Variants in GOSR1 observed in about 807,000 individuals in gnomAD.
The protein encoded by GOSR1 is 28 kDa Golgi SNARE protein.
In GOSR1, 21 loss-of-function variants were observed where a neutral mutation model predicts 35.5. The observed-to-expected ratio is 0.59, with a 90% confidence interval of 0.42 to 0.85. GOSR1 has a LOEUF of 0.85. Ranked by LOEUF, GOSR1 falls within the 40% of genes least tolerant of loss-of-function variation. GOSR1 has a pLI of 0.00. For synonymous variants in GOSR1, 94 were observed against 106.6 expected (o/e 0.88, Z 0.73); for missense variants, 285 against 309.6 (o/e 0.92, Z 0.60).
intron 2 of GOSR1, among the ~76,000 whole-genome samples, chr17:30,483,554 C>T (rs928865233): frequency 1.6e-4 from 25 of 152,188 alleles, no homozygotes; most frequent in African/African-American, 6.0e-4. Flanking sequence ...TTGCCACACC[C>T]AGGCACTGTC....
At chr17:30,493,622 C>T (rs550116764) in intron 6 of GOSR1, among the ~76,000 whole-genome samples, 276 of 152,188 alleles carry the variant, frequency 1.8e-3, no homozygotes, top group Middle Eastern at 0.01. Context: ...TTTGAAATAA[C>T]TTTAAATAAC....
At chr17:30,478,910 T>C (rs1418049072) in intron 1 of GOSR1, 1 of 152,224 alleles carries the variant, frequency 6.6e-6, no homozygotes, top group African/African-American at 2.4e-5. Context: ...TTATTACTAG[T>C]CATTAGCCTG....
chr17:30,494,841 C>G (rs1966934887), intron 6 of GOSR1, among the ~76,000 whole-genome samples: 1 of 151,534 alleles, frequency 6.6e-6, no homozygotes, highest in Non-Finnish European at 1.5e-5. Flanking sequence ...CTCCTAACTT[C>G]AAGAGATCCA....
chr17:30,523,424 G>A lies in GOSR1; in HGVS notation c.*1046G>A, dbSNP rs1160425507. ...GTGAGGAGACCTCCGCCCGGCAGCC[G>A]CCCTGTCTGAGAAGTGAGGAGCCCC... On this transcript the variant is annotated 3_prime_UTR_variant, in exon 9 of 9. Transcript: ENST00000451249. 1.8e-5 allele frequency: 3 copies of A among 163,448 alleles called. No homozygotes were observed. Among genetic ancestry groups the A allele is most frequent in the East Asian group, 1.9e-4 (1 of 5,402 alleles). The allele number at this position is 163,448 out of a possible 1,614,324, so 10.1% of individuals were successfully genotyped here.
chr17:30,506,805 C>T (rs1020233018), intron 6 of GOSR1, among the ~76,000 whole-genome samples: 2 of 152,214 alleles, frequency 1.3e-5, no homozygotes, highest in African/African-American at 4.8e-5. Context: ...TTTTTAGGTG[C>T]TGATACAGCT....
Position 30,525,936 on chromosome 17 carries a change from T to G in GOSR1, c.*3558T>G, listed in dbSNP as rs907269629. The G allele has an allele frequency of 6.6e-6, 1 of 152,228 alleles. No individual in the cohort carries two copies. Among genetic ancestry groups the G allele is most frequent in the Non-Finnish European group, 1.5e-5 (1 of 68,044 alleles). The allele number at this position is 152,228 out of a possible 1,614,324, so 9.4% of individuals were successfully genotyped here. ...TACTAAGGTGACCCAGGGCCACATG[T>G]AGACAGCTAGGCCAGTGCTTTTTCC... On this transcript the variant is annotated 3_prime_UTR_variant, in exon 9 of 9. Transcript: ENST00000451249.
chr17:30,501,084 T>G (rs1211464230), intron 6 of GOSR1, among the ~76,000 whole-genome samples: 3 of 151,722 alleles, frequency 2.0e-5, no homozygotes, highest in Non-Finnish European at 2.9e-5. Context: ...GTTTCACCGT[T>G]TTAGCCGGGA....
At chr17:30,500,216 T>C (rs1256642550) in intron 6 of GOSR1, among the ~76,000 whole-genome samples, 1 of 152,182 alleles carries the variant, frequency 6.6e-6, no homozygotes, top group Non-Finnish European at 1.5e-5. Context: ...TTCTGATTCA[T>C]GTATTTTGGT....
At chr17:30,491,301 G>A (rs1013743041) in intron 5 of GOSR1, among the ~76,000 whole-genome samples, 3 of 152,178 alleles carry the variant, frequency 2.0e-5, no homozygotes, top group African/African-American at 7.2e-5. Context: ...TAAAAGATAT[G>A]TTCATCTATT....
chr17:30,505,654 G>C (rs972547162), intron 6 of GOSR1, among the ~76,000 whole-genome samples: 1 of 152,038 alleles, frequency 6.6e-6, no homozygotes, highest in Admixed American at 6.6e-5. Context: ...GATCTTTGAT[G>C]TTACTCTTGT....
chr17:30,500,538 T>C (rs1567907650), intron 6 of GOSR1, among the ~76,000 whole-genome samples: 1 of 152,218 alleles, frequency 6.6e-6, no homozygotes, highest in Non-Finnish European at 1.5e-5. Context: ...AGAGAATTAA[T>C]TGGACACTTG....
chr17:30,513,049 A>C (rs1967669253), intron 7 of GOSR1, among the ~76,000 whole-genome samples: 2 of 152,222 alleles, frequency 1.3e-5, no homozygotes, highest in African/African-American at 4.8e-5. Context: ...AGTTTCACTG[A>C]GTATAAAGCT....
chr17:30,484,807 G>A (rs377150633), intron 4 of GOSR1, 37 bp downstream of exon 4: 2 of 1,108,446 alleles, frequency 1.8e-6, no homozygotes, highest in Admixed American at 1.7e-5. Context: ...CATTATCACA[G>A]GAGTTTGGGT....
At chr17:30,491,460 A>G (rs1158709573) in intron 5 of GOSR1, among the ~76,000 whole-genome samples, 1 of 152,062 alleles carries the variant, frequency 6.6e-6, no homozygotes, top group African/African-American at 2.4e-5. Flanking sequence ...GGAGTTCAAG[A>G]CCAGCCTGGC....
chr17:30,486,986 A>G (rs1914722414), intron 4 of GOSR1, among the ~76,000 whole-genome samples: 1 of 152,220 alleles, frequency 6.6e-6, no homozygotes, highest in Non-Finnish European at 1.5e-5. Flanking sequence ...TCATAGACAT[A>G]CAAGAACAAC....
chr17:30,491,060 G>T (rs1915010773), intron 5 of GOSR1, among the ~76,000 whole-genome samples: 1 of 152,076 alleles, frequency 6.6e-6, no homozygotes, highest in Non-Finnish European at 1.5e-5. Context: ...TTATTTTATT[G>T]TAACAGTAAC....
intron 1 of GOSR1, among the ~76,000 whole-genome samples, chr17:30,480,663 T>C (rs1277065720): frequency 6.6e-6 from 1 of 152,046 alleles, no homozygotes; most frequent in Admixed American, 6.5e-5. Flanking sequence ...AGTTTATAAG[T>C]GACTAATCTG....
chr17:30,520,353 A>C, intron 8 of GOSR1: 2 of 178,484 alleles, frequency 1.1e-5, no homozygotes, highest in Non-Finnish European at 2.3e-5. Flanking sequence ...TTCTTACCTA[A>C]ACATGATAAA....
chr17:30,487,802 C>G (rs1009686847), intron 4 of GOSR1, among the ~76,000 whole-genome samples: 1 of 151,740 alleles, frequency 6.6e-6, no homozygotes, highest in African/African-American at 2.4e-5. Flanking sequence ...GAGTCTCGCT[C>G]TGTTGTCCAG....
Sources: allele counts gnomAD v4.1 joint callset (sites outside exome capture counted in the v4.1 genomes callset), GRCh38; gene constraint gnomAD v4.1.1; transcripts MANE v1.5; gene names NCBI Gene and HGNC (gene_info 2026-07-23, HGNC 2026-07-21).